The following CTNNA2 variants were observed in gnomAD, a reference collection of about 807,000 sequenced individuals.
CTNNA2 encodes the protein catenin alpha-2.
A neutral mutation model predicts 101.0 loss-of-function variants in CTNNA2; 42 were observed. The observed-to-expected ratio is 0.42, with a 90% CI of 0.32 to 0.54. The LOEUF is 0.54. Ranked by LOEUF, CTNNA2 falls within the 20% of genes least tolerant of loss-of-function variation. CTNNA2 has a pLI of 0.14. For synonymous variants in CTNNA2, 450 were observed against 456.4 expected (o/e 0.99, Z 0.18); for missense variants, 871 against 1,223.1 (o/e 0.71, Z 4.29).
In CTNNA2 at chr2:79,251,940, T is replaced by G. The variant is rs1164802796; in HGVS notation, c.-406+53864T>G. Among the ~76,000 whole-genome samples, 4 of 152,172 alleles carry G rather than the reference T, an allele frequency of 2.6e-5. No homozygotes were observed. The East Asian group carries it at 5.8e-4, about 22-fold the overall frequency. On this transcript the variant is annotated intron_variant, in intron 2 of 21. Coordinates refer to the CTNNA2 transcript ENST00000466387. ...CTGATTGCGGCGTACACCAGAAATA[T>G]GGAAAATATGATGGAAGTGGTCTGG...
intron 9 of CTNNA2, among the ~76,000 whole-genome samples, chr2:80,448,190 C>A (rs1188247896): frequency 6.6e-6 from 1 of 152,140 alleles, no homozygotes; most frequent in East Asian, 1.9e-4. Flanking sequence ...GTCCTCAGAT[C>A]CTTTGTGAAA....
intron 7 of CTNNA2, among the ~76,000 whole-genome samples, chr2:80,080,032 A>G (rs540019736): frequency 9.9e-5 from 15 of 152,268 alleles, no homozygotes; most frequent in East Asian, 1.9e-4. Flanking sequence ...TTGCACGTCA[A>G]TGGGCCTTTA....
At chr2:80,181,480 A>T (rs1705775106) in intron 7 of CTNNA2, among the ~76,000 whole-genome samples, 1 of 152,142 alleles carries the variant, frequency 6.6e-6, no homozygotes. Context: ...GTAGACACCT[A>T]TTGAGGCTAC....
chr2:79,449,174 G>A (rs1381465678), intron 4 of CTNNA2, among the ~76,000 whole-genome samples: 2 of 151,986 alleles, frequency 1.3e-5, no homozygotes, highest in Non-Finnish European at 2.9e-5. Flanking sequence ...AGGAAATTGG[G>A]AGTATAAGGC....
intron 13 of CTNNA2, among the ~76,000 whole-genome samples, chr2:80,576,658 A>C (rs962950621): frequency 1.3e-5 from 2 of 151,860 alleles, no homozygotes; most frequent in Admixed American, 6.6e-5. Flanking sequence ...ACCTTGTTTT[A>C]TGTGAGTTTG....
intron 9 of CTNNA2, among the ~76,000 whole-genome samples, chr2:80,481,224 G>A (rs576862509): frequency 6.6e-6 from 1 of 152,220 alleles, no homozygotes; most frequent in African/African-American, 2.4e-5. Flanking sequence ...CTATTATTTT[G>A]TGCTTCCTTA....
At chr2:79,190,022 T>C (rs1368458208) in intron 1 of CTNNA2, among the ~76,000 whole-genome samples, 1 of 152,192 alleles carries the variant, frequency 6.6e-6, no homozygotes, top group Admixed American at 6.6e-5. Flanking sequence ...CAAATGTTTT[T>C]AAACTATATT....
chr2:80,633,402 G>A (rs1406987546), intron 18 of CTNNA2, among the ~76,000 whole-genome samples: 5 of 152,122 alleles, frequency 3.3e-5, no homozygotes, highest in South Asian at 2.1e-4. Flanking sequence ...CATATCTCAG[G>A]TGAATCCTGA....
chr2:79,904,925 T>C (rs572843161), intron 6 of CTNNA2, among the ~76,000 whole-genome samples: 1 of 152,244 alleles, frequency 6.6e-6, no homozygotes, highest in Non-Finnish European at 1.5e-5. Context: ...TTCTGGGAAG[T>C]AGTTTCGAAC....
intron 17 of CTNNA2, among the ~76,000 whole-genome samples, chr2:80,615,593 G>C (rs533820784): frequency 2.6e-5 from 4 of 151,510 alleles, no homozygotes; most frequent in Non-Finnish European, 5.9e-5. Context: ...TTTTCAGCTA[G>C]AATAGCAGAG....
intron 18 of CTNNA2, among the ~76,000 whole-genome samples, chr2:80,639,360 C>T (rs974016623): frequency 9.2e-5 from 14 of 152,140 alleles, no homozygotes; most frequent in African/African-American, 3.4e-4. Context: ...CAGGCACCTG[C>T]CACCACGCCA....
chr2:79,996,015 C>G (rs1465278748), intron 7 of CTNNA2, among the ~76,000 whole-genome samples: 2 of 152,160 alleles, frequency 1.3e-5, no homozygotes, highest in African/African-American at 4.8e-5. Context: ...CAGGCTTATT[C>G]TGGATTGGAC....
chr2:80,021,296 A>G (rs538467210), intron 7 of CTNNA2, among the ~76,000 whole-genome samples: 53 of 152,274 alleles, frequency 3.5e-4, no homozygotes, highest in African/African-American at 1.3e-3. Flanking sequence ...CTGGGATTAC[A>G]GGTGTGAGCC....
At chr2:79,571,314 C>A (rs112365940) in intron 1 of CTNNA2, among the ~76,000 whole-genome samples, 13 of 152,190 alleles carry the variant, frequency 8.5e-5, no homozygotes, top group African/African-American at 3.1e-4. Flanking sequence ...CCATCTGTTA[C>A]AATGAATTAT....
chr2:80,139,692 A>G (rs1702892548), intron 7 of CTNNA2, among the ~76,000 whole-genome samples: 2 of 152,228 alleles, frequency 1.3e-5, no homozygotes, highest in Admixed American at 6.6e-5. Flanking sequence ...GTAAAAATAA[A>G]AACTACAAAA....
chr2:79,489,106 T>C (rs756357418), intron 4 of CTNNA2, among the ~76,000 whole-genome samples: 129 of 152,152 alleles, frequency 8.5e-4, no homozygotes, highest in Non-Finnish European at 5.7e-4. Context: ...CTCTATTATC[T>C]GCTGTGTCTC....
intron 8 of CTNNA2, among the ~76,000 whole-genome samples, chr2:80,401,945 G>C (rs192940057): frequency 5.3e-5 from 8 of 152,236 alleles, no homozygotes; most frequent in Admixed American, 5.2e-4. Context: ...CTATCTACCT[G>C]GAGATAACTT....
intron 3 of CTNNA2, among the ~76,000 whole-genome samples, chr2:79,749,108 C>T (rs1385544229): frequency 1.3e-5 from 2 of 152,090 alleles, no homozygotes; most frequent in African/African-American, 2.4e-5. Context: ...CACCTGGCAA[C>T]CTTCATTCAA....
intron 7 of CTNNA2, among the ~76,000 whole-genome samples, chr2:79,932,889 A>G (rs1687542013): frequency 6.6e-6 from 1 of 152,202 alleles, no homozygotes; most frequent in African/African-American, 2.4e-5. Flanking sequence ...CAGAAAAAGA[A>G]CTTTGAATGT....
Sources: gnomAD v4.1 joint callset for allele counts (sites outside exome capture counted in the v4.1 genomes callset) on GRCh38, gnomAD v4.1.1 for gene constraint, MANE v1.5 for transcripts, NCBI Gene and HGNC (gene_info 2026-07-23, HGNC 2026-07-21) for gene names.